The following GPHN variants were observed in gnomAD, a reference collection of about 807,000 sequenced individuals.
The protein encoded by GPHN is gephyrin.
A neutral mutation model predicts 95.5 loss-of-function variants in GPHN; 17 were observed. The ratio of observed to expected loss-of-function variants is 0.18; its 90% CI spans 0.12 to 0.27. The LOEUF is 0.27. GPHN is among the 10% of genes least tolerant of loss of function. The pLI, the probability that GPHN is intolerant of heterozygous loss-of-function variation, is 1.00. For missense variants in GPHN, 660 were observed against 978.1 expected (o/e 0.67, Z 4.34); for synonymous variants, 320 against 322.5 (o/e 0.99, Z 0.08).
At chr14:67,086,930 C>T (rs554916181) in intron 11 of GPHN, among the ~76,000 whole-genome samples, 91 of 146,500 alleles carry the variant, frequency 6.2e-4, no homozygotes, top group African/African-American at 2.1e-3. Flanking sequence ...CCCAGCTACT[C>T]GGGAGGCTGA....
At chr14:67,457,770 A>G in the GPHN span, among the ~76,000 whole-genome samples, 1 of 152,172 alleles carries the variant, frequency 6.6e-6, no homozygotes, top group African/African-American at 2.4e-5. Context: ...AAAACAGGAA[A>G]TCTCTTTGGA....
chr14:66,892,459 A>C (rs2064566655), intron 5 of GPHN, among the ~76,000 whole-genome samples: 1 of 152,200 alleles, frequency 6.6e-6, no homozygotes, highest in Admixed American at 6.5e-5. Flanking sequence ...AGATATTTGC[A>C]CGCCAATATT....
At chr14:67,223,804 T>C in the GPHN span, 12 of 985,688 alleles carry the variant, frequency 1.2e-5, no homozygotes, top group African/African-American at 2.1e-4. Context: ...TTCCCCATTT[T>C]CACTCTCCTC....
the GPHN span, among the ~76,000 whole-genome samples, chr14:67,735,037 G>T: frequency 1.3e-5 from 2 of 152,200 alleles, no homozygotes; most frequent in African/African-American, 4.8e-5. Flanking sequence ...TCATATCCCA[G>T]ATTATTAGAT....
At chr14:67,441,088 A>G in the GPHN span, among the ~76,000 whole-genome samples, 1 of 152,208 alleles carries the variant, frequency 6.6e-6, no homozygotes, top group Non-Finnish European at 1.5e-5. Context: ...ATATGAATAT[A>G]CTATGGAGTA....
the GPHN span, among the ~76,000 whole-genome samples, chr14:67,406,157 G>A: frequency 6.6e-6 from 1 of 151,876 alleles, no homozygotes. Flanking sequence ...TACTCAGGAG[G>A]CTGAGACACA....
chr14:67,698,554 G>T, the GPHN span, among the ~76,000 whole-genome samples: 1 of 152,084 alleles, frequency 6.6e-6, no homozygotes, highest in Non-Finnish European at 1.5e-5. Context: ...GGCCAGAGAG[G>T]TTGGAGATGT....
the GPHN span, among the ~76,000 whole-genome samples, chr14:67,503,111 G>A: frequency 6.6e-6 from 1 of 152,192 alleles, no homozygotes; most frequent in Non-Finnish European, 1.5e-5. Flanking sequence ...GGAGAGATCA[G>A]GATCTGTGTT....
At chr14:67,583,962 T>C in the GPHN span, 7 of 1,613,308 alleles carry the variant, frequency 4.3e-6, no homozygotes, top group South Asian at 2.2e-5. Flanking sequence ...CGGCACTTCA[T>C]TGGCACTATT....
the GPHN span, among the ~76,000 whole-genome samples, chr14:67,209,157 G>A: frequency 6.6e-6 from 1 of 152,164 alleles, no homozygotes; most frequent in Non-Finnish European, 1.5e-5. Context: ...AAATATTTAT[G>A]AGCACTTCCT....
At chr14:67,539,756 C>T in the GPHN span, among the ~76,000 whole-genome samples, 5,658 of 152,276 alleles carry the variant, frequency 0.037, 170 homozygotes, top group Middle Eastern at 0.099. Flanking sequence ...CCACCATTAA[C>T]TAGCTGTACA....
chr14:67,280,849 T>TTCCTTCCC, the GPHN span, among the ~76,000 whole-genome samples: 45 of 101,514 alleles, frequency 4.4e-4, 2 homozygotes, highest in African/African-American at 2.4e-3. Context: ...CCTTCCTTCC[T>TTCCTTCCC]TCCTTCCCTC....
the GPHN span, chr14:67,208,365 A>C: frequency 6.2e-7 from 1 of 1,614,032 alleles, no homozygotes; most frequent in Non-Finnish European, 8.5e-7. Context: ...AGTGAGGCAA[A>C]TACATCCAAG....
chr14:66,636,161 A>T (rs562438777), intron 1 of GPHN, among the ~76,000 whole-genome samples: 2 of 152,158 alleles, frequency 1.3e-5, no homozygotes, highest in Non-Finnish European at 2.9e-5. Flanking sequence ...AGTTTCATTT[A>T]ATAAATATTA....
chr14:66,586,594 A>G (rs542512303), intron 1 of GPHN, among the ~76,000 whole-genome samples: 14 of 152,298 alleles, frequency 9.2e-5, no homozygotes, highest in Admixed American at 5.9e-4. Flanking sequence ...TGGTGACAAC[A>G]TATCTCAGCA....
At chr14:67,670,071 G>A in the GPHN span, among the ~76,000 whole-genome samples, 1 of 152,182 alleles carries the variant, frequency 6.6e-6, no homozygotes, top group Admixed American at 6.5e-5. Context: ...CTCCAGCCTG[G>A]ATGACGGGAG....
intron 17 of GPHN, among the ~76,000 whole-genome samples, 155 bp downstream of exon 17, chr14:67,122,532 A>G (rs529073588): frequency 1.3e-5 from 2 of 152,344 alleles, no homozygotes; most frequent in South Asian, 2.1e-4. Context: ...TGAGGTATCT[A>G]TGTCCTTTAG....
chr14:66,795,089 A>C (rs984208461), intron 3 of GPHN, among the ~76,000 whole-genome samples: 21 of 152,212 alleles, frequency 1.4e-4, no homozygotes, highest in Admixed American at 1.3e-3. Flanking sequence ...AAAAATAAAT[A>C]AATAAAATAA....
At chr14:66,733,463 C>G (rs2071983476) in intron 2 of GPHN, among the ~76,000 whole-genome samples, 1 of 152,066 alleles carries the variant, frequency 6.6e-6, no homozygotes, top group South Asian at 2.1e-4. Flanking sequence ...GAACTAACAT[C>G]TATTTATATA....
Sources: allele counts gnomAD v4.1 joint callset (sites outside exome capture counted in the v4.1 genomes callset), GRCh38; gene constraint gnomAD v4.1.1; transcripts MANE v1.5; gene names NCBI Gene and HGNC (gene_info 2026-07-23, HGNC 2026-07-21).